Variants in SP1 observed in about 807,000 individuals in gnomAD.
SP1 encodes the protein Sp1 transcription factor.
Under a neutral mutation model 66.3 loss-of-function variants are expected in SP1, and 6 were observed. The ratio of observed to expected loss-of-function variants is 0.09; its 90% CI spans 0.05 to 0.18. The LOEUF (loss-of-function observed/expected upper bound fraction) is 0.18. SP1 is among the 10% of genes least tolerant of loss of function. SP1 has a pLI of 1.00. For synonymous variants in SP1, 417 were observed against 360.8 expected (o/e 1.16, Z -1.77); for missense variants, 848 against 964.5 (o/e 0.88, Z 1.60).
At chr12:53,386,814 G>A (rs1490353845) in intron 3 of SP1, among the ~76,000 whole-genome samples, 1 of 151,676 alleles carries the variant, frequency 6.6e-6, no homozygotes, top group African/African-American at 2.4e-5. Flanking sequence ...AAATTCCATT[G>A]TATGGAGCTA....
rs1193358252 is a variant in SP1, at chr12:53,413,059, T to C, written c.*1819T>C. On this transcript the variant is annotated 3_prime_UTR_variant, in exon 6 of 6. Transcript: ENST00000327443. ...ACCCTGATCTGATAGAAAGCAAGTG[T>C]TTTTGTATGTGTGGGTGAATGTGTG... is the stretch of plus-strand genomic sequence containing the variant. 6.6e-6 allele frequency: 1 copy of C among 152,600 alleles called. No homozygotes were observed. The highest frequency in any genetic ancestry group is 6.6e-5 in the Admixed American group (1 of 15,260). The allele number at this position is 152,600 out of a possible 1,614,324, so 9.5% of individuals were successfully genotyped here.
At chr12:53,389,696 T>G (rs1409657152) in intron 3 of SP1, among the ~76,000 whole-genome samples, 2 of 152,086 alleles carry the variant, frequency 1.3e-5, no homozygotes, top group African/African-American at 2.4e-5. Flanking sequence ...GATCTTTATT[T>G]TATTTTATTT....
rs1938145511 is a variant in SP1 at position 53,383,061 on chromosome 12, C to G, written c.1114C>G (p.Gln372Glu). ...LQGSDALNIQQNQTSGGSLQA... is the reference protein window; with the variant it reads ...LQGSDALNIQENQTSGGSLQA... ...GGGGTCTGATGCTCTGAACATCCAG[C>G]AAAACCAGACATCTGGAGGCTCATT... The change falls in exon 3 of 6, where the codon CAA (glutamine) becomes GAA (glutamate). Residue 372 changes from glutamine (Q) to glutamate (E), a missense_variant. Physicochemically the swap from Gln to Glu is conservative, Grantham distance 29 (BLOSUM62 2). Transcript: ENST00000327443. The G allele has an allele frequency of 5.0e-6, 8 of 1,614,102 alleles. No individual in the cohort carries two copies. Among genetic ancestry groups the G allele is most frequent in the South Asian group, 1.1e-5 (1 of 91,090 alleles).
chr12:53,384,516 C>T (rs1332715436), intron 3 of SP1, among the ~76,000 whole-genome samples: 3 of 151,876 alleles, frequency 2.0e-5, no homozygotes, highest in East Asian at 3.9e-4. Flanking sequence ...AACTCCTGAC[C>T]TCATGTGAAT....
At chr12:53,384,317 C>T (rs567930403) in intron 3 of SP1, among the ~76,000 whole-genome samples, 1 of 148,622 alleles carries the variant, frequency 6.7e-6, no homozygotes, top group South Asian at 2.1e-4. Context: ...TGGAGTCTTA[C>T]TCTGTTACCC....
intron 3 of SP1, among the ~76,000 whole-genome samples, chr12:53,387,043 C>T (rs1055701436): frequency 1.3e-5 from 2 of 150,050 alleles, no homozygotes; most frequent in African/African-American, 2.5e-5. Flanking sequence ...CTCTGCCTTC[C>T]GGGTTCAAGC....
chr12:53,383,457 C>T lies in SP1; in HGVS notation c.1510C>T (p.Pro504Ser), dbSNP rs774236240. 2.5e-5 allele frequency: 41 copies of T among 1,614,128 alleles called. 1 individual carries two copies. Among genetic ancestry groups the T allele is most frequent in the Non-Finnish European group, 2.4e-5 (28 of 1,180,056 alleles). ...QTSSSNTTLT[P>S]IASAASIPAG... ...CAGCAGCAGCAACACCACTCTCACA[C>T]CCATTGCCTCAGCTGCTTCCATTCC... is the stretch of plus-strand genomic sequence containing the variant. The change falls in exon 3 of 6, where the codon CCC (proline) becomes TCC (serine). Residue 504 changes from proline to serine, a missense_variant. Pro to Ser is a moderately conservative substitution (Grantham distance 74). Transcript: ENST00000327443.
chr12:53,412,413 T>C lies in SP1; in HGVS notation c.*1173T>C, dbSNP rs192126583. The C allele has an allele frequency of 3.6e-4, 55 of 152,712 alleles. No individual in the cohort carries two copies. Among genetic ancestry groups the C allele is most frequent in the African/African-American group, 1.3e-3 (52 of 41,562 alleles). The allele number at this position is 152,712 out of a possible 1,614,324, so 9.5% of individuals were successfully genotyped here. A position where few individuals can be genotyped will look rare whatever the true frequency, so the allele number is the denominator to read the frequency against. On this transcript the variant is annotated 3_prime_UTR_variant, in exon 6 of 6. Transcript: ENST00000327443. ...TGCTGTCTTCCAAGGTAGCTCTAAG[T>C]TTTGATGTGTGGGCTTCTGAGTTTA...
rs915443580 is a variant in SP1, at chr12:53,414,663, C to T, written c.*3423C>T. The T allele has an allele frequency of 1.9e-4, 29 of 152,504 alleles. No homozygotes were observed. The highest frequency in any genetic ancestry group is 7.0e-4 in the African/African-American group (29 of 41,396). The allele number at this position is 152,504 out of a possible 1,614,324, so 9.4% of individuals were successfully genotyped here. ...AAATCTAAAAAAGCACTATGAACTA[C>T]AGGTGTTTGACTTTCAAAATATATT... is the stretch of plus-strand genomic sequence containing the variant. On this transcript the variant is annotated 3_prime_UTR_variant, in exon 6 of 6. Transcript: ENST00000327443.
chr12:53,395,212 C>T (rs183072610), intron 3 of SP1, among the ~76,000 whole-genome samples: 1 of 152,104 alleles, frequency 6.6e-6, no homozygotes, highest in East Asian at 1.9e-4. Context: ...TGGTGGTGCG[C>T]GCCTTTAATC....
intron 3 of SP1, among the ~76,000 whole-genome samples, chr12:53,405,930 G>C (rs2683521): frequency 6.6e-6 from 1 of 151,322 alleles, no homozygotes; most frequent in Non-Finnish European, 1.5e-5. Flanking sequence ...CAGCACATCA[G>C]TATGGCACAT....
Position 53,415,330 on chromosome 12 carries a change from GA to G in SP1, c.*4092del, listed in dbSNP as rs1938973996. The G allele has an allele frequency of 6.6e-6, 1 of 152,356 alleles. No homozygotes were observed. Among genetic ancestry groups the G allele is most frequent in the South Asian group, 2.1e-4 (1 of 4,802 alleles). 9.4% of individuals were successfully genotyped at this position (152,356 alleles called of 1,614,324 possible). On this transcript the variant is annotated 3_prime_UTR_variant, in exon 6 of 6. Transcript: ENST00000327443. ...GCCTTCCCAAAACACCAGCCCCCAG[GA>G]AGACATTAAGCAGCCTTAAGCTTAA...
intron 3 of SP1, among the ~76,000 whole-genome samples, chr12:53,405,450 C>G (rs892120072): frequency 2.0e-5 from 3 of 152,144 alleles, no homozygotes; most frequent in East Asian, 3.9e-4. Context: ...GGGTGGATCA[C>G]CTAAGGTCAG....
chr12:53,390,387 A>G (rs950848709), intron 3 of SP1, among the ~76,000 whole-genome samples: 7 of 152,172 alleles, frequency 4.6e-5, no homozygotes, highest in African/African-American at 1.4e-4. Flanking sequence ...TTTAAAATCT[A>G]AGTGCTTTGA....
intron 3 of SP1, among the ~76,000 whole-genome samples, chr12:53,396,768 T>C (rs983563560): frequency 6.6e-6 from 1 of 152,150 alleles, no homozygotes; most frequent in African/African-American, 2.4e-5. Context: ...TATAGTCTTC[T>C]GGGTACTGTG....
At chr12:53,410,153 A>G (rs1938845990) in intron 5 of SP1, among the ~76,000 whole-genome samples, 1 of 151,882 alleles carries the variant, frequency 6.6e-6, no homozygotes, top group South Asian at 2.1e-4. Context: ...CTAAAATTAC[A>G]AAATAGTCAA....
chr12:53,407,339 T>TG (rs1404365989), intron 4 of SP1, among the ~76,000 whole-genome samples: 1 of 151,668 alleles, frequency 6.6e-6, no homozygotes, highest in African/African-American at 2.4e-5. Context: ...AAATTTTTTT[T>TG]TTTTCTGAGA....
At chr12:53,381,835 G>A (rs767858099) in intron 2 of SP1, 22 bp downstream of exon 2, 2 of 1,601,976 alleles carry the variant, frequency 1.2e-6, no homozygotes, top group Non-Finnish European at 1.7e-6. Flanking sequence ...TCATAGAGTG[G>A]GGAAGGTGTT....
At position 53,381,668 on chromosome 12, in the gene SP1, A is replaced by C. The variant is rs1266599012; in HGVS notation, c.17A>C (p.His6Pro). 1 of 1,607,420 alleles carries C rather than the reference A, an allele frequency of 6.2e-7. No homozygotes were observed. Among genetic ancestry groups the C allele is most frequent in the Non-Finnish European group, 8.5e-7 (1 of 1,177,640 alleles). Reference sequence around the variant, plus strand: ...TTTTTAATTATTTTAGACCAAGATCACTCCATGGATGAAATGACAGCTGTG... The same window carrying C: ...TTTTTAATTATTTTAGACCAAGATCCCTCCATGGATGAAATGACAGCTGTG... MSDQD[H>P]SMDEMTAVVK... is the part of the protein sequence containing the mutation. The change falls in exon 2 of 6, where the codon CAC (histidine) becomes CCC (proline). Residue 6 changes from histidine (H) to proline (P), a missense_variant. By Grantham distance (77) the His-to-Pro change is moderately conservative. Transcript: ENST00000327443.
Sources: allele counts gnomAD v4.1 joint callset (sites outside exome capture counted in the v4.1 genomes callset), GRCh38; gene constraint gnomAD v4.1.1; transcripts MANE v1.5; gene names NCBI Gene and HGNC (gene_info 2026-07-23, HGNC 2026-07-21).